PCDHA2: variants seen among roughly 807,000 people sequenced by gnomAD.
PCDHA2 encodes the protein protocadherin alpha 2, also known as protocadherin alpha-2.
Under a neutral mutation model 66.0 loss-of-function variants are expected in PCDHA2, and 58 were observed. The ratio of observed to expected loss-of-function variants is 0.88; its 90% CI spans 0.71 to 1.09. The LOEUF (loss-of-function observed/expected upper bound fraction) is 1.09, where lower values mean the gene tolerates loss of function less well. Ranked by LOEUF, PCDHA2 falls within the 50% of genes least tolerant of loss-of-function variation. The pLI, the probability that PCDHA2 is intolerant of heterozygous loss-of-function variation, is 0.00. For missense variants in PCDHA2, 1,267 were observed against 1,242.3 expected, an observed-to-expected ratio of 1.02 and a Z score of -0.30; for synonymous variants, 634 against 554.0, an observed-to-expected ratio of 1.14 and a Z score of -2.03.
intron 1 of PCDHA2, among the ~76,000 whole-genome samples, chr5:140,891,886 G>A (rs1554184992): frequency 1.3e-5 from 2 of 152,186 alleles, no homozygotes; most frequent in East Asian, 1.9e-4. Context: ...GTCATGTGAC[G>A]ATGCAGCAAG....
At position 140,857,911 on chromosome 5, in the gene PCDHA2, T is replaced by C. The variant is rs144216608; in HGVS notation, c.2388+60559T>C. On this transcript the variant is annotated intron_variant, in intron 1 of 3. Transcript: ENST00000526136. ...CGGCGGTTGGTGCACGCATCCCGTT[T>C]CGCGTGGGGCTGTACACGGGCGAGA... 4,248 of 1,597,856 alleles carry C rather than the reference T, an allele frequency of 2.7e-3. 342 individuals are homozygous for C. Among genetic ancestry groups the C allele is most frequent in the Middle Eastern group, 0.01 (61 of 5,986 alleles).
At chr5:140,982,240 A>G (rs1257297614) in intron 2 of PCDHA2, 14 of 694,558 alleles carry the variant, frequency 2.0e-5, no homozygotes, top group Admixed American at 3.6e-5. Flanking sequence ...CAGAATTGCC[A>G]TAAAGATAGA....
intron 1 of PCDHA2, chr5:140,859,894 C>T (rs930000447): frequency 6.6e-6 from 1 of 151,852 alleles, no homozygotes; most frequent in Non-Finnish European, 1.5e-5. Context: ...GAAAAAAAAT[C>T]TTCCTTAATG....
intron 1 of PCDHA2, chr5:140,855,829 C>A: frequency 1.8e-6 from 1 of 560,298 alleles, no homozygotes; most frequent in East Asian, 2.9e-5. Flanking sequence ...CTCATGGAAT[C>A]GTACTTACAC....
At chr5:140,813,634 C>T (rs1448214765) in intron 1 of PCDHA2, 3 of 152,156 alleles carry the variant, frequency 2.0e-5, no homozygotes, top group African/African-American at 4.8e-5. Flanking sequence ...AGGCCCAGGA[C>T]ATTACTGTGC....
chr5:140,901,196 C>T (rs1294830498), intron 1 of PCDHA2, among the ~76,000 whole-genome samples: 7 of 152,222 alleles, frequency 4.6e-5, no homozygotes, highest in African/African-American at 1.7e-4. Flanking sequence ...CTTTTCTGTG[C>T]AGAAGGTTTT....
At chr5:140,843,880 A>G in intron 1 of PCDHA2, 1 of 739,104 alleles carries the variant, frequency 1.4e-6, no homozygotes, top group Admixed American at 3.0e-5. Flanking sequence ...CAGTGGCATA[A>G]TACAGTATTA....
In PCDHA2 at chr5:140,794,987, G is replaced by T; in HGVS notation, c.23G>T (p.Gly8Val). 3 of 1,613,184 alleles carry T rather than the reference G, an allele frequency of 1.9e-6. No individual in the cohort carries two copies. Among genetic ancestry groups the T allele is most frequent in the Non-Finnish European group, 1.7e-6 (2 of 1,179,484 alleles). The change falls in exon 1 of 4, where the codon GGC becomes GTC. Residue 8 changes from glycine to valine, a missense_variant. By Grantham distance (109) the Gly-to-Val change is moderately radical. Coordinates refer to ENST00000526136, the MANE Select transcript of PCDHA2 (RefSeq NM_018905.3). ...GTAATGGCGTCTTCTATCAGAAGGG[G>T]CCGAGGGGCCTGGACACGGCTGCTC... Reference protein sequence around the residue: MASSIRRGRGAWTRLLSL... With the variant: MASSIRRVRGAWTRLLSL...
intron 1 of PCDHA2, chr5:140,848,930 C>G: frequency 1.2e-6 from 2 of 1,607,642 alleles, no homozygotes; most frequent in Non-Finnish European, 1.7e-6. Flanking sequence ...TCGCGGAATC[C>G]AGGCCGCTTG....
intron 3 of PCDHA2, among the ~76,000 whole-genome samples, chr5:141,006,649 G>A (rs1377970510): frequency 2.6e-5 from 4 of 152,176 alleles, no homozygotes; most frequent in Admixed American, 2.0e-4. Context: ...AGAGATGATG[G>A]TGTCCTGAAA....
intron 1 of PCDHA2, chr5:140,823,698 A>G: frequency 6.2e-7 from 1 of 1,613,892 alleles, no homozygotes; most frequent in Non-Finnish European, 8.5e-7. Flanking sequence ...AGACCGAAGC[A>G]CCGCGCCACC....
chr5:140,891,602 T>G (rs1002471186), intron 1 of PCDHA2, among the ~76,000 whole-genome samples: 16 of 152,184 alleles, frequency 1.1e-4, no homozygotes, highest in Non-Finnish European at 1.8e-4. Context: ...TCCCATCTAT[T>G]TCTACCTTTT....
intron 1 of PCDHA2, among the ~76,000 whole-genome samples, chr5:140,922,818 C>T (rs530870255): frequency 6.6e-6 from 1 of 152,208 alleles, no homozygotes; most frequent in Admixed American, 6.5e-5. Flanking sequence ...GGAGATACAG[C>T]ATACTGCTAA....
chr5:140,897,309 A>G (rs1165791921), intron 1 of PCDHA2, among the ~76,000 whole-genome samples: 3 of 148,098 alleles, frequency 2.0e-5, no homozygotes, highest in Non-Finnish European at 3.0e-5. Flanking sequence ...CATTAGGTAT[A>G]TCTCCTAAAG....
rs2150475793 is a variant in PCDHA2, at chr5:140,850,253, C to T, written c.2388+52901C>T. The T allele has an allele frequency of 4.7e-5, 75 of 1,593,644 alleles. 4 individuals carry two copies. The highest frequency in any genetic ancestry group is 6.3e-5 in the Non-Finnish European group (73 of 1,167,036). On this transcript the variant is annotated intron_variant, in intron 1 of 3. Coordinates refer to ENST00000526136, the MANE Select transcript of PCDHA2 (RefSeq NM_018905.3). ...GCGAGATGGTGCTGCGGTCGGTGGG[C>T]GCCGGCGTAGTGGTGGGGAAGGTGC...
chr5:140,842,896 C>G, intron 1 of PCDHA2: 1 of 1,594,370 alleles, frequency 6.3e-7, no homozygotes, highest in Non-Finnish European at 8.6e-7. Context: ...CGCTGGACCA[C>G]GAGGAGCTAG....
At chr5:140,899,479 A>T (rs2067352016) in intron 1 of PCDHA2, among the ~76,000 whole-genome samples, 1 of 152,194 alleles carries the variant, frequency 6.6e-6, no homozygotes, top group Non-Finnish European at 1.5e-5. Flanking sequence ...TTCTGTTTAT[A>T]TGCTGGATTA....
intron 1 of PCDHA2, chr5:140,805,165 G>A: frequency 3.3e-6 from 5 of 1,537,576 alleles, no homozygotes; most frequent in South Asian, 1.2e-5. Context: ...CTTCACAGAT[G>A]TACTGATGCT....
chr5:140,988,268 G>A (rs1463795699), intron 3 of PCDHA2, among the ~76,000 whole-genome samples: 3 of 152,160 alleles, frequency 2.0e-5, no homozygotes, highest in Non-Finnish European at 4.4e-5. Context: ...AGTATCCTTC[G>A]CTGTCACCTG....
Sources: gnomAD v4.1 joint callset for allele counts (sites outside exome capture counted in the v4.1 genomes callset) on GRCh38, gnomAD v4.1.1 for gene constraint, MANE v1.5 for transcripts, NCBI Gene and HGNC (gene_info 2026-07-23, HGNC 2026-07-21) for gene names.